The following ZNF423 variants were observed in gnomAD, a reference collection of about 807,000 sequenced individuals.
ZNF423 encodes the protein Ebf-associated zinc finger protein.
In ZNF423, 12 loss-of-function variants were observed where a neutral mutation model predicts 95.8. The ratio of observed to expected loss-of-function variants is 0.13; its 90% CI spans 0.08 to 0.20. The LOEUF is 0.20. Ranked by LOEUF, ZNF423 falls within the 10% of genes least tolerant of loss-of-function variation. The pLI, the probability that ZNF423 is intolerant of heterozygous loss-of-function variation, is 1.00. For missense variants in ZNF423, 1,316 were observed against 1,737.1 expected (o/e 0.76, Z 4.31); for synonymous variants, 749 against 711.9 (o/e 1.05, Z -0.83).
Position 49,638,642 on chromosome 16 carries a change from G to A in ZNF423, c.534C>T (p.Tyr178=). 1 of 1,614,000 alleles carries A rather than the reference G, an allele frequency of 6.2e-7. No homozygotes were observed. Among genetic ancestry groups the A allele is most frequent in the Non-Finnish European group, 8.5e-7 (1 of 1,179,958 alleles). ...TCTTGTGCTTGAAGAGGCGGCTGCA[G>A]TAGGTGCACTTGAACGGCAGCTTGT... is the stretch of plus-strand genomic sequence containing the variant. ...HSDKLPFKCT[Y]CSRLFKHKRS... is the part of the protein sequence containing the mutation. The change falls in exon 4 of 8, where the codon TAC becomes TAT. Residue 178 remains tyrosine, a synonymous_variant. Transcript: ENST00000563137. This position sits in a 1 kb window ranked among gnomAD's most constrained non-coding sequence, Gnocchi z 5.6.
At chr16:49,494,457 A>C (rs907547570) in intron 7 of ZNF423, among the ~76,000 whole-genome samples, 1 of 152,218 alleles carries the variant, frequency 6.6e-6, no homozygotes, top group Non-Finnish European at 1.5e-5. Flanking sequence ...GCACTGGCAC[A>C]GTGAGGGGGA....
chr16:49,658,757 G>A (rs8059866), intron 3 of ZNF423, among the ~76,000 whole-genome samples: 2 of 152,210 alleles, frequency 1.3e-5, no homozygotes, highest in Non-Finnish European at 2.9e-5. Flanking sequence ...ACTGGATTCC[G>A]GAGTGTGGGG....
intron 5 of ZNF423, among the ~76,000 whole-genome samples, chr16:49,527,569 T>C (rs939838575): frequency 6.6e-6 from 1 of 152,072 alleles, no homozygotes. Context: ...TGTGACCTTA[T>C]TAGAATGAGG....
chr16:49,633,824 A>G (rs1359870534), intron 4 of ZNF423, among the ~76,000 whole-genome samples: 1 of 152,034 alleles, frequency 6.6e-6, no homozygotes, highest in Non-Finnish European at 1.5e-5. Context: ...CCCTAAAAGG[A>G]GCTCTCCACT....
intron 2 of ZNF423, among the ~76,000 whole-genome samples, chr16:49,782,097 CCT>C (rs984073524): frequency 1.3e-5 from 2 of 152,232 alleles, no homozygotes; most frequent in African/African-American, 2.4e-5. Flanking sequence ...ACATGTACCT[CCT>C]CTCCTTCCAG....
intron 1 of ZNF423, among the ~76,000 whole-genome samples, chr16:49,814,554 C>T (rs1170614377): frequency 6.6e-6 from 1 of 151,880 alleles, no homozygotes; most frequent in Non-Finnish European, 1.5e-5. Flanking sequence ...CTCAGGTGGG[C>T]AACTGAGGCT....
rs1003519653 is a variant in ZNF423 at position 49,702,384 on chromosome 16, T to G, written c.301+28387A>C. ...TCGCACCCCTCTGCCGAGGAGCCAC[T>G]TCGAGTGGGCCAGCCCCATCCTCGC... On this transcript the variant is annotated intron_variant, in intron 3 of 7. Coordinates refer to ENST00000563137, the MANE Select transcript of ZNF423 (RefSeq NM_001379286.1). Among the ~76,000 whole-genome samples the G allele has an allele frequency of 4.6e-5, 7 of 152,288 alleles. No individual in the cohort carries two copies. In the East Asian group the frequency reaches 1.4e-3, roughly 29 times the overall value.
chr16:49,586,705 A>C (rs766365659), intron 5 of ZNF423, among the ~76,000 whole-genome samples: 1 of 151,678 alleles, frequency 6.6e-6, no homozygotes, highest in Non-Finnish European at 1.5e-5. Flanking sequence ...CTAATATCAC[A>C]ACTGCCTCGC....
intron 5 of ZNF423, among the ~76,000 whole-genome samples, chr16:49,565,437 G>A (rs912222895): frequency 4.6e-5 from 7 of 152,182 alleles, no homozygotes; most frequent in Non-Finnish European, 8.8e-5. Context: ...AAGCCTGAGC[G>A]CCAGAGCACC....
intron 3 of ZNF423, among the ~76,000 whole-genome samples, chr16:49,663,558 A>G (rs545689158): frequency 6.6e-6 from 1 of 152,196 alleles, no homozygotes; most frequent in African/African-American, 2.4e-5. Flanking sequence ...CAGGCCCGGC[A>G]GCTGCACTCT....
intron 5 of ZNF423, among the ~76,000 whole-genome samples, chr16:49,624,887 G>T (rs1020025856): frequency 6.6e-6 from 1 of 152,232 alleles, no homozygotes; most frequent in Non-Finnish European, 1.5e-5. Flanking sequence ...CTTCTGAAAT[G>T]CTGGAAATAG....
At chr16:49,494,948 T>C (rs903837454) in intron 7 of ZNF423, among the ~76,000 whole-genome samples, 1 of 152,206 alleles carries the variant, frequency 6.6e-6, no homozygotes, top group Non-Finnish European at 1.5e-5. Context: ...TCTCTGTTTA[T>C]GCCTGTGCTA....
At chr16:49,639,593 T>C (rs1972901117) in intron 3 of ZNF423, among the ~76,000 whole-genome samples, 1 of 152,166 alleles carries the variant, frequency 6.6e-6, no homozygotes, top group Admixed American at 6.5e-5. Flanking sequence ...CCTTGTTTTC[T>C]TTGTTCCCAC....
chr16:49,804,891 CTTTTTTTTT>C (rs754687457), intron 1 of ZNF423, among the ~76,000 whole-genome samples: 1 of 95,906 alleles, frequency 1.0e-5, no homozygotes. Context: ...GATCCCACAG[CTTTTTTTTT>C]TTTTTTTTTT....
chr16:49,833,304 C>T (rs886646950), intron 1 of ZNF423, among the ~76,000 whole-genome samples: 9 of 152,224 alleles, frequency 5.9e-5, no homozygotes, highest in Admixed American at 2.0e-4. Flanking sequence ...GATGGATTTA[C>T]GTGCGAGAGC....
chr16:49,840,741 TCACACACATG>T (rs931546011), intron 1 of ZNF423, among the ~76,000 whole-genome samples: 4 of 151,738 alleles, frequency 2.6e-5, no homozygotes, highest in Admixed American at 2.6e-4. Context: ...ACACACAGAC[TCACACACATG>T]CACACACATA....
chr16:49,666,053 A>G (rs550200790), intron 3 of ZNF423, among the ~76,000 whole-genome samples: 13 of 152,326 alleles, frequency 8.5e-5, no homozygotes, highest in African/African-American at 2.9e-4. Flanking sequence ...CCTACAACAA[A>G]GGGATTTTCT....
chr16:49,599,441 A>G (rs1312223225), intron 5 of ZNF423, among the ~76,000 whole-genome samples: 2 of 152,164 alleles, frequency 1.3e-5, no homozygotes, highest in Non-Finnish European at 2.9e-5. Context: ...TCATTTCACA[A>G]ATGTATAAAC....
chr16:49,773,929 A>G (rs1472443793), intron 2 of ZNF423, among the ~76,000 whole-genome samples: 3 of 152,190 alleles, frequency 2.0e-5, no homozygotes, highest in Non-Finnish European at 4.4e-5. Flanking sequence ...TGGCCCAGCC[A>G]TTTACCAACT....
Sources: gnomAD v4.1 joint callset for allele counts (sites outside exome capture counted in the v4.1 genomes callset) on GRCh38, gnomAD v4.1.1 for gene constraint, Gnocchi (gnomAD v3.1) non-coding constraint, MANE v1.5 for transcripts, NCBI Gene and HGNC (gene_info 2026-07-23, HGNC 2026-07-21) for gene names.